The following AGBL1 variants were observed in gnomAD, a reference collection of about 807,000 sequenced individuals.
The protein encoded by AGBL1 is AGBL carboxypeptidase 1.
AGBL1 carries 130 observed loss-of-function variants against 118.9 expected under a neutral mutation model. The ratio of observed to expected loss-of-function variants is 1.09; its 90% CI spans 0.95 to 1.26. The LOEUF is 1.26. Among genes scored for constraint, AGBL1 ranks in the 50% most tolerant of loss-of-function variants. The probability of loss-of-function intolerance (pLI) is 0.00; values close to 1 mark genes in which losing one functional copy is unlikely to be tolerated. For synonymous variants in AGBL1, 555 were observed against 478.9 expected (o/e 1.16, Z -2.08); for missense variants, 1,584 against 1,298.1 (o/e 1.22, Z -3.38).
chr15:86,216,392 T>C (rs897252258), intron 5 of AGBL1, among the ~76,000 whole-genome samples: 3 of 152,202 alleles, frequency 2.0e-5, no homozygotes, highest in African/African-American at 7.2e-5. Flanking sequence ...ATATTAACTG[T>C]GGATTTTCTA....
chr15:86,549,338 A>T (rs944952162), intron 20 of AGBL1, among the ~76,000 whole-genome samples: 1 of 152,202 alleles, frequency 6.6e-6, no homozygotes, highest in South Asian at 2.1e-4. Flanking sequence ...TATGCACTCA[A>T]GATATTTGAG....
intron 22 of AGBL1, among the ~76,000 whole-genome samples, chr15:86,790,918 T>C (rs1020475705): frequency 6.6e-6 from 1 of 151,418 alleles, no homozygotes; most frequent in African/African-American, 2.4e-5. Flanking sequence ...ACAAGAATAA[T>C]AATAAGTTGT....
chr15:86,192,561 TA>T (rs2077740330), intron 5 of AGBL1, among the ~76,000 whole-genome samples: 1 of 152,114 alleles, frequency 6.6e-6, no homozygotes, highest in Non-Finnish European at 1.5e-5. Context: ...TTGAAAGCTA[TA>T]AAAGTGTTTA....
rs943280308 is a variant in AGBL1, at chr15:86,909,512, CTT to C, written c.*2221_*2222del. 1.3e-5 allele frequency: 2 copies of C among 152,124 alleles called. No individual in the cohort carries two copies. Among genetic ancestry groups the C allele is most frequent in the Non-Finnish European group, 2.9e-5 (2 of 68,030 alleles). 9.4% of individuals were successfully genotyped at this position (152,124 alleles called of 1,614,324 possible). ...TTAATAGTCTCTTATTTTTTTAACT[CTT>C]TTCCAAGTTTCCATTTTGTAGTTCA... On this transcript the variant is annotated 3_prime_UTR_variant, in exon 23 of 23. Coordinates refer to ENST00000614907, the MANE Select transcript of AGBL1 (RefSeq NM_001386094.1).
intron 22 of AGBL1, among the ~76,000 whole-genome samples, chr15:86,889,473 C>T (rs147029332): frequency 1.3e-5 from 2 of 152,026 alleles, no homozygotes; most frequent in South Asian, 4.1e-4. Context: ...TGGTTTGCTG[C>T]ACAGATCGAC....
intron 5 of AGBL1, among the ~76,000 whole-genome samples, chr15:86,167,785 G>A (rs540319300): frequency 3.9e-5 from 6 of 152,324 alleles, no homozygotes; most frequent in African/African-American, 1.4e-4. Context: ...AAAGCTAGCT[G>A]CTTTTAAGAG....
rs537322262 is a variant in AGBL1, at chr15:86,999,664, G to A, written c.3323+11576G>A. ...GGGTTGGTTCCAAGTCTTTGCTATT[G>A]TGAATAATGCCACAATAAACACACG... is the stretch of plus-strand genomic sequence containing the variant. On this transcript the variant is annotated intron_variant, in intron 24 of 24. Transcript: ENST00000441037. Among the ~76,000 whole-genome samples, 4 of 151,002 alleles carry A rather than the reference G, an allele frequency of 2.6e-5. No homozygotes were observed. The East Asian group carries it at 7.8e-4, about 29-fold the overall frequency.
intron 22 of AGBL1, among the ~76,000 whole-genome samples, chr15:86,854,748 C>T (rs538425379): frequency 6.6e-6 from 1 of 152,272 alleles, no homozygotes; most frequent in South Asian, 2.1e-4. Flanking sequence ...CAATTGCTTA[C>T]CTGTTCCTCT....
intron 1 of AGBL1, among the ~76,000 whole-genome samples, chr15:86,084,205 A>G (rs1895481509): frequency 6.6e-6 from 1 of 152,256 alleles, no homozygotes; most frequent in Admixed American, 6.5e-5. Flanking sequence ...ACCTGGGTAG[A>G]GAAGGGATGA....
chr15:86,311,991 T>C (rs1424713533), intron 17 of AGBL1: 1 of 152,250 alleles, frequency 6.6e-6, no homozygotes, highest in East Asian at 1.9e-4. Context: ...TAGAGTGATG[T>C]AGTAGAACCC....
intron 5 of AGBL1, among the ~76,000 whole-genome samples, chr15:86,170,483 T>C (rs1036297029): frequency 1.3e-5 from 2 of 151,984 alleles, no homozygotes; most frequent in African/African-American, 4.8e-5. Flanking sequence ...ATAAAAATGA[T>C]AGGGACACAG....
At chr15:86,504,975 T>A (rs2082958235) in intron 18 of AGBL1, among the ~76,000 whole-genome samples, 1 of 151,808 alleles carries the variant, frequency 6.6e-6, no homozygotes, top group African/African-American at 2.4e-5. Flanking sequence ...CTCTTATTAT[T>A]TTCTTTGTTA....
chr15:86,747,233 A>T (rs904702517), intron 22 of AGBL1, among the ~76,000 whole-genome samples: 2 of 152,068 alleles, frequency 1.3e-5, no homozygotes, highest in African/African-American at 2.4e-5. Context: ...TCCTGCCTCA[A>T]ATAATGCTTA....
intron 22 of AGBL1, among the ~76,000 whole-genome samples, chr15:86,766,944 A>G (rs1324067243): frequency 1.3e-5 from 2 of 151,988 alleles, no homozygotes; most frequent in Non-Finnish European, 2.9e-5. Context: ...GAATAGAGGG[A>G]GGAACTATAG....
chr15:86,279,681 T>A lies in AGBL1; in HGVS notation c.2118T>A (p.Ser706=), dbSNP rs954752045. ...RQSTAVAGGA[S]GKCYYTLTFA... ...GTACAGCTGTTGCAGGCGGAGCATC[T>A]GGGAAGTGCTACTATACCCTCACCT... Residue 706 remains serine (S), a synonymous_variant, in exon 16 of 23, where the codon TCT becomes TCA. Coordinates refer to ENST00000614907, the MANE Select transcript of AGBL1 (RefSeq NM_001386094.1). 1 of 1,613,388 alleles carries A rather than the reference T, an allele frequency of 6.2e-7. No homozygotes were observed. Among genetic ancestry groups the A allele is most frequent in the Admixed American group, 1.7e-5 (1 of 59,954 alleles).
intron 21 of AGBL1, among the ~76,000 whole-genome samples, chr15:86,639,033 T>G (rs2469189): frequency 1.3e-5 from 2 of 152,066 alleles, no homozygotes; most frequent in Admixed American, 6.6e-5. Context: ...TTTTGCTTCA[T>G]TGATGCTGCA....
At chr15:86,518,436 A>T (rs1456071650) in intron 18 of AGBL1, among the ~76,000 whole-genome samples, 5 of 152,072 alleles carry the variant, frequency 3.3e-5, no homozygotes, top group Non-Finnish European at 5.9e-5. Context: ...GGTGGCTTCT[A>T]TTCAGTGACC....
At chr15:86,238,479 C>G (rs1184971194) in intron 6 of AGBL1, among the ~76,000 whole-genome samples, 1 of 152,188 alleles carries the variant, frequency 6.6e-6, no homozygotes, top group African/African-American at 2.4e-5. Flanking sequence ...TTATTTGCAT[C>G]TAAGAAGCAA....
intron 23 of AGBL1, among the ~76,000 whole-genome samples, chr15:86,952,915 G>C (rs72755656): frequency 0.039 from 5,908 of 152,238 alleles, 158 homozygotes; most frequent in Middle Eastern, 0.071. Context: ...GCAAGCATAA[G>C]TCATTGAATA....
Sources: gnomAD v4.1 joint callset for allele counts (sites outside exome capture counted in the v4.1 genomes callset) on GRCh38, gnomAD v4.1.1 for gene constraint, MANE v1.5 for transcripts, NCBI Gene and HGNC (gene_info 2026-07-23, HGNC 2026-07-21) for gene names.